The following SYT14 variants were observed in gnomAD, a reference collection of about 807,000 sequenced individuals.
The protein encoded by SYT14 is synaptotagmin 14, also known as synaptotagmin-14.
Under a neutral mutation model 74.2 loss-of-function variants are expected in SYT14, and 32 were observed. That is an observed-to-expected ratio of 0.43 (90% CI 0.33 to 0.58). The LOEUF is 0.58. Among genes scored for constraint, SYT14 ranks in the 20% least tolerant of loss-of-function variants. The pLI is 0.05. For missense variants in SYT14, 791 were observed against 981.8 expected (o/e 0.81, Z 2.60); for synonymous variants, 298 against 337.7 (o/e 0.88, Z 1.29).
At chr1:210,085,664 A>C (rs1312769539) in intron 5 of SYT14, among the ~76,000 whole-genome samples, 4 of 152,194 alleles carry the variant, frequency 2.6e-5, no homozygotes, top group Non-Finnish European at 5.9e-5. Context: ...CAGTGCAATA[A>C]ATTAGATTGA....
intron 5 of SYT14, among the ~76,000 whole-genome samples, chr1:210,025,258 A>G (rs2080386034): frequency 1.3e-5 from 2 of 152,172 alleles, no homozygotes; most frequent in African/African-American, 4.8e-5. Context: ...TCACCCACCT[A>G]AGAGAACTGC....
chr1:209,945,622 A>AT (rs2078810309), intron 1 of SYT14, among the ~76,000 whole-genome samples: 1 of 152,220 alleles, frequency 6.6e-6, no homozygotes. Context: ...ATGAGATGGA[A>AT]TTTAAGACAT....
intron 2 of SYT14, among the ~76,000 whole-genome samples, chr1:209,956,357 A>G (rs1002179268): frequency 6.6e-6 from 1 of 152,178 alleles, no homozygotes; most frequent in Non-Finnish European, 1.5e-5. Context: ...TCTAGTTGCC[A>G]TAGAACACTC....
At chr1:210,058,371 CTCA>C (rs2081138676) in intron 5 of SYT14, among the ~76,000 whole-genome samples, 1 of 152,146 alleles carries the variant, frequency 6.6e-6, no homozygotes, top group African/African-American at 2.4e-5. Flanking sequence ...GCTCTTCTGC[CTCA>C]TCGTCTTTTT....
chr1:210,063,344 A>C (rs1455158823), intron 5 of SYT14, among the ~76,000 whole-genome samples: 1 of 151,800 alleles, frequency 6.6e-6, no homozygotes, highest in African/African-American at 2.4e-5. Flanking sequence ...ACTGATTTGA[A>C]ATACTGCTTT....
intron 7 of SYT14, among the ~76,000 whole-genome samples, chr1:210,147,547 A>C (rs887338235): frequency 6.6e-6 from 1 of 152,244 alleles, no homozygotes; most frequent in African/African-American, 2.4e-5. Context: ...CAACAGCTAC[A>C]ACAAAGGCCA....
chr1:209,954,694 T>C (rs2078964104), intron 2 of SYT14, among the ~76,000 whole-genome samples: 1 of 151,866 alleles, frequency 6.6e-6, no homozygotes, highest in African/African-American at 2.4e-5. Flanking sequence ...CACAACCTCC[T>C]TTATTCTTTC....
intron 1 of SYT14, among the ~76,000 whole-genome samples, chr1:209,948,433 A>G (rs2078856807): frequency 6.6e-6 from 1 of 152,112 alleles, no homozygotes; most frequent in Non-Finnish European, 1.5e-5. Context: ...GCCAGTTTGC[A>G]TTTTGCTCCT....
At chr1:209,972,272 C>T (rs1372646103) in intron 2 of SYT14, among the ~76,000 whole-genome samples, 1 of 151,410 alleles carries the variant, frequency 6.6e-6, no homozygotes, top group East Asian at 1.9e-4. Context: ...AATCTAGTGG[C>T]CTATCAATGT....
chr1:210,139,291 TTTTAGTGGAGATGGGG>T (rs2082866023), intron 7 of SYT14, among the ~76,000 whole-genome samples: 1 of 148,612 alleles, frequency 6.7e-6, no homozygotes, highest in Non-Finnish European at 1.5e-5. Context: ...TTTTTTTGAT[TTTTAGTGGAGATGGGG>T]TTTTGCCATG....
intron 7 of SYT14, among the ~76,000 whole-genome samples, chr1:210,128,546 T>G (rs1440080839): frequency 6.6e-6 from 1 of 152,220 alleles, no homozygotes; most frequent in African/African-American, 2.4e-5. Context: ...TTTTTCACTT[T>G]TATATTACAT....
intron 2 of SYT14, among the ~76,000 whole-genome samples, chr1:210,003,749 T>G (rs2079942404): frequency 6.6e-6 from 1 of 152,160 alleles, no homozygotes; most frequent in African/African-American, 2.4e-5. Flanking sequence ...TTGCTCTCTT[T>G]AAGCCATTGC....
At chr1:209,971,552 T>C (rs148791482) in intron 2 of SYT14, among the ~76,000 whole-genome samples, 25 of 152,316 alleles carry the variant, frequency 1.6e-4, no homozygotes, top group African/African-American at 5.8e-4. Flanking sequence ...TTTTGAGGTA[T>C]GTTCCTTTTG....
chr1:209,939,370 G>C (rs941174628), intron 1 of SYT14, among the ~76,000 whole-genome samples: 18 of 152,186 alleles, frequency 1.2e-4, no homozygotes, highest in African/African-American at 4.3e-4. Context: ...CCTTCTAAGT[G>C]ATCAATCACT....
At chr1:210,161,216 AAT>A in exon 10 of SYT14, 1 of 735,560 alleles carries the variant, frequency 1.4e-6, no homozygotes, top group Admixed American at 2.0e-5. Flanking sequence ...AAATGAAGAA[AAT>A]ATGTGTATCT....
intron 5 of SYT14, among the ~76,000 whole-genome samples, chr1:210,054,017 T>A (rs1025118245): frequency 5.3e-5 from 8 of 152,194 alleles, no homozygotes; most frequent in African/African-American, 1.9e-4. Context: ...ATCATTTTCC[T>A]ATAGAATTTT....
At chr1:209,973,678 C>T (rs1462900970) in intron 2 of SYT14, among the ~76,000 whole-genome samples, 1 of 152,134 alleles carries the variant, frequency 6.6e-6, no homozygotes, top group Admixed American at 6.6e-5. Flanking sequence ...CATACGTGTG[C>T]ATGTGTCTTT....
chr1:210,106,346 T>C (rs1479003998), intron 7 of SYT14, among the ~76,000 whole-genome samples: 2 of 152,300 alleles, frequency 1.3e-5, no homozygotes, highest in African/African-American at 4.8e-5. Context: ...TGGGCTGAGA[T>C]GGCCAGGCCT....
chr1:209,945,829 C>T (rs1241189568), intron 1 of SYT14, among the ~76,000 whole-genome samples: 2 of 152,186 alleles, frequency 1.3e-5, no homozygotes, highest in Non-Finnish European at 2.9e-5. Flanking sequence ...TACCTCCTTG[C>T]ACTTCATTTT....
Sources: gnomAD v4.1 joint callset for allele counts (sites outside exome capture counted in the v4.1 genomes callset) on GRCh38, gnomAD v4.1.1 for gene constraint, MANE v1.5 for transcripts, NCBI Gene and HGNC (gene_info 2026-07-23, HGNC 2026-07-21) for gene names.